Variants in UGT1A3 observed in about 807,000 individuals in gnomAD.
UGT1A3 encodes UDP-glucuronosyltransferase 1A3.
A neutral mutation model predicts 41.0 loss-of-function variants in UGT1A3; 31 were observed. The observed-to-expected ratio is 0.76, with a 90% CI of 0.57 to 1.02. The LOEUF is 1.02. UGT1A3 is among the 50% of genes least tolerant of loss of function. The pLI, the probability that UGT1A3 is intolerant of heterozygous loss-of-function variation, is 0.00. For missense variants in UGT1A3, 737 were observed against 671.0 expected (o/e 1.10, Z -1.09); for synonymous variants, 262 against 257.6 (o/e 1.02, Z -0.17).
intron 1 of UGT1A3, chr2:233,743,967 C>A (rs1487193750): frequency 1.5e-6 from 2 of 1,326,686 alleles, no homozygotes; most frequent in African/African-American, 1.5e-5. Flanking sequence ...AGCGGCAAGG[C>A]TGCCAGCACC....
chr2:233,752,487 A>G (rs551015085), intron 1 of UGT1A3: 1 of 152,342 alleles, frequency 6.6e-6, no homozygotes, highest in South Asian at 2.1e-4. Context: ...TATGTTTTTG[A>G]GATGAGACAT....
At chr2:233,745,894 T>G (rs1160883177) in intron 1 of UGT1A3, among the ~76,000 whole-genome samples, 1 of 150,898 alleles carries the variant, frequency 6.6e-6, no homozygotes, top group African/African-American at 2.5e-5. Context: ...TGGGGTGGCG[T>G]TTTTCAGGGA....
intron 1 of UGT1A3, among the ~76,000 whole-genome samples, chr2:233,734,944 A>G (rs2125789898): frequency 6.6e-6 from 1 of 152,282 alleles, no homozygotes; most frequent in Middle Eastern, 3.4e-3. Context: ...TCATATGGTC[A>G]GTTTTAGAAT....
intron 4 of UGT1A3, among the ~76,000 whole-genome samples, 154 bp from the exon 5 acceptor site, chr2:233,772,106 CTG>C (rs1172403577): frequency 6.6e-6 from 1 of 152,016 alleles, no homozygotes; most frequent in African/African-American, 2.4e-5. Context: ...GGGCAAGACT[CTG>C]TATCTAAAAA....
intron 1 of UGT1A3, among the ~76,000 whole-genome samples, chr2:233,730,853 A>G (rs560522362): frequency 1.1e-4 from 17 of 152,196 alleles, no homozygotes; most frequent in Non-Finnish European, 2.1e-4. Context: ...ACATCACCAA[A>G]CCCACCCTAC....
chr2:233,760,703 C>T, intron 1 of UGT1A3: 1 of 1,614,236 alleles, frequency 6.2e-7, no homozygotes. Flanking sequence ...CTCATGGCCT[C>T]CCTGGCAGAA....
At chr2:233,744,264 T>C (rs1692755909) in intron 1 of UGT1A3, among the ~76,000 whole-genome samples, 2 of 151,788 alleles carry the variant, frequency 1.3e-5, no homozygotes, top group Admixed American at 1.3e-4. Flanking sequence ...CTGTTTTTCT[T>C]AAAGTAGGCT....
At chr2:233,767,202 T>G in intron 2 of UGT1A3, 37 bp downstream of exon 2, 15 of 1,613,508 alleles carry the variant, frequency 9.3e-6, no homozygotes, top group Non-Finnish European at 1.3e-5. Flanking sequence ...ATATCTATTT[T>G]CACAGGAGCG....
Position 233,768,582 on chromosome 2 carries a change from C to T in UGT1A3, c.1307+143C>T, listed in dbSNP as rs1179813397. On this transcript the variant is annotated intron_variant, in intron 4 of 4. Transcript: ENST00000482026. ...ATAAAAATCTGGATTTTTATTTCTT[C>T]TTTTTTTTTTTTTTTTTTTTTTGAG... 4.6e-4 allele frequency: 475 copies of T among 1,032,668 alleles called. No homozygotes were observed. In the East Asian group the frequency reaches 5.3e-3, roughly 12 times the overall value. The allele number at this position is 1,032,668 out of a possible 1,614,324, so 64.0% of individuals were successfully genotyped here.
chr2:233,760,197 G>A (rs2125980210), intron 1 of UGT1A3: 1 of 1,578,860 alleles, frequency 6.3e-7, no homozygotes, highest in Admixed American at 1.7e-5. Context: ...ACGTGACACA[G>A]TCAAACATTA....
intron 1 of UGT1A3, among the ~76,000 whole-genome samples, chr2:233,739,936 GT>G (rs143578493): frequency 0.012 from 1,757 of 151,974 alleles, 85 homozygotes; most frequent in African/African-American, 0.041. Flanking sequence ...ATGTGTTAAG[GT>G]TGGTACCTGG....
intron 1 of UGT1A3, chr2:233,741,590 C>T (rs4663964): frequency 0.069 from 10,438 of 151,876 alleles, 561 homozygotes; most frequent in East Asian, 0.2. Flanking sequence ...CACCTCGGAG[C>T]ATGTTGATTT....
chr2:233,772,168 A>C, intron 4 of UGT1A3, 94 bp from the exon 5 acceptor site: 1 of 1,573,330 alleles, frequency 6.4e-7, no homozygotes, highest in Non-Finnish European at 8.6e-7. Flanking sequence ...AAGTTTGGAA[A>C]ATCTGGTAGT....
At chr2:233,736,896 C>A (rs1212789655) in intron 1 of UGT1A3, among the ~76,000 whole-genome samples, 1 of 152,186 alleles carries the variant, frequency 6.6e-6, no homozygotes, top group African/African-American at 2.4e-5. Context: ...GCTGCCTGAT[C>A]CTTCCTCTGG....
At chr2:233,760,651 A>G (rs1358018329) in intron 1 of UGT1A3, 1 of 1,614,196 alleles carries the variant, frequency 6.2e-7, no homozygotes, top group South Asian at 1.1e-5. Context: ...GGACTCTGCT[A>G]TGCTTTTGTC....
chr2:233,736,451 C>T (rs1167369178), intron 1 of UGT1A3, among the ~76,000 whole-genome samples: 3 of 152,120 alleles, frequency 2.0e-5, no homozygotes, highest in Non-Finnish European at 2.9e-5. Context: ...GCAATAGGTT[C>T]GAACATGCAC....
chr2:233,738,316 T>C (rs1483940334), intron 1 of UGT1A3, among the ~76,000 whole-genome samples: 4 of 152,176 alleles, frequency 2.6e-5, no homozygotes, highest in African/African-American at 7.2e-5. Context: ...TAGCAGTGTG[T>C]GAATGGACTA....
intron 4 of UGT1A3, chr2:233,771,129 T>C (rs1305021368): frequency 6.6e-6 from 1 of 152,152 alleles, no homozygotes. Context: ...TCCGACCCCA[T>C]GATCCAAACA....
At chr2:233,738,971 TG>T (rs2125819893) in intron 1 of UGT1A3, 1 of 152,378 alleles carries the variant, frequency 6.6e-6, no homozygotes, top group Admixed American at 6.5e-5. Context: ...CCCCCACTGC[TG>T]TGTGCAGCCT....
Sources: gnomAD v4.1 joint callset for allele counts (sites outside exome capture counted in the v4.1 genomes callset) on GRCh38, gnomAD v4.1.1 for gene constraint, MANE v1.5 for transcripts, NCBI Gene and HGNC (gene_info 2026-07-23, HGNC 2026-07-21) for gene names.